GRM8: variants seen among roughly 807,000 people sequenced by gnomAD.
GRM8 encodes metabotropic glutamate receptor 8.
A neutral mutation model predicts 87.2 loss-of-function variants in GRM8; 47 were observed. The observed-to-expected ratio is 0.54, with a 90% confidence interval of 0.43 to 0.69. GRM8 has a LOEUF of 0.69. Among genes scored for constraint, GRM8 ranks in the 30% least tolerant of loss-of-function variants. GRM8 has a pLI of 0.00. For synonymous variants in GRM8, 396 were observed against 404.5 expected, an observed-to-expected ratio of 0.98 and a Z score of 0.25; for missense variants, 1,019 against 1,139.2, an observed-to-expected ratio of 0.89 and a Z score of 1.52.
chr7:127,199,205 C>T (rs1795461426), intron 2 of GRM8, among the ~76,000 whole-genome samples: 1 of 152,012 alleles, frequency 6.6e-6, no homozygotes. Context: ...AAGTGATCCT[C>T]CTGCCTCAGC....
chr7:126,638,066 A>G (rs1802030227), intron 7 of GRM8, among the ~76,000 whole-genome samples: 1 of 152,200 alleles, frequency 6.6e-6, no homozygotes, highest in African/African-American at 2.4e-5. Flanking sequence ...ATAAATAAAT[A>G]AAAGCATTAT....
At chr7:126,943,341 G>C (rs1383258409) in intron 3 of GRM8, among the ~76,000 whole-genome samples, 1 of 152,092 alleles carries the variant, frequency 6.6e-6, no homozygotes, top group Non-Finnish European at 1.5e-5. Context: ...AAGCAGCCAG[G>C]GACTGTGGGA....
chr7:127,053,808 G>GGT (rs57669424), intron 3 of GRM8, among the ~76,000 whole-genome samples: 1 of 121,132 alleles, frequency 8.3e-6, no homozygotes, highest in Non-Finnish European at 1.8e-5. Context: ...AGGGGGGGGG[G>GGT]AATATACATT....
Position 126,661,707 on chromosome 7 carries a change from G to A in GRM8, c.1358-52209C>T, listed in dbSNP as rs577614516. Among the ~76,000 whole-genome samples, 12 of 152,234 alleles carry A rather than the reference G, an allele frequency of 7.9e-5. No individual in the cohort carries two copies. The East Asian group carries it at 1.9e-3, about 25-fold the overall frequency. On this transcript the variant is annotated intron_variant, in intron 7 of 10. Coordinates refer to ENST00000339582, the MANE Select transcript of GRM8 (RefSeq NM_000845.3). Reference sequence around the variant, plus strand: ...TTTATGTGCCTCACTCAGGGGGTTCGTCATGCCTCCTTCTTTGAGTAGGAA... The same window carrying A: ...TTTATGTGCCTCACTCAGGGGGTTCATCATGCCTCCTTCTTTGAGTAGGAA...
chr7:126,573,267 G>C (rs1423472027), intron 8 of GRM8, among the ~76,000 whole-genome samples: 1 of 152,128 alleles, frequency 6.6e-6, no homozygotes, highest in African/African-American at 2.4e-5. Context: ...TCACAGGATA[G>C]AATGCCAGTG....
At chr7:127,231,307 C>T (rs980096177) in intron 2 of GRM8, among the ~76,000 whole-genome samples, 1 of 152,184 alleles carries the variant, frequency 6.6e-6, no homozygotes, top group African/African-American at 2.4e-5. Context: ...CTGTTCAGCA[C>T]TGCCTCACAA....
At chr7:126,893,383 A>G (rs1053233421) in intron 6 of GRM8, among the ~76,000 whole-genome samples, 1 of 152,056 alleles carries the variant, frequency 6.6e-6, no homozygotes, top group Non-Finnish European at 1.5e-5. Context: ...AAGACAAACT[A>G]TCAGAATAGT....
intron 8 of GRM8, among the ~76,000 whole-genome samples, chr7:126,552,274 A>C (rs1389900714): frequency 1.3e-5 from 2 of 152,042 alleles, no homozygotes; most frequent in Non-Finnish European, 2.9e-5. Context: ...ATTAGTTTTA[A>C]CTATTCTTTA....
At chr7:127,198,211 T>C (rs2116534622) in intron 2 of GRM8, among the ~76,000 whole-genome samples, 1 of 152,320 alleles carries the variant, frequency 6.6e-6, no homozygotes, top group East Asian at 1.9e-4. Flanking sequence ...GTTGGGAACA[T>C]TATAAATTTT....
chr7:127,219,904 G>T (rs1312387583), intron 2 of GRM8, among the ~76,000 whole-genome samples: 1 of 152,140 alleles, frequency 6.6e-6, no homozygotes, highest in East Asian at 1.9e-4. Context: ...CCTCTTAAAA[G>T]ATCTACCCAC....
chr7:126,862,428 A>G (rs1798213801), intron 6 of GRM8, among the ~76,000 whole-genome samples: 1 of 152,036 alleles, frequency 6.6e-6, no homozygotes, highest in Non-Finnish European at 1.5e-5. Context: ...TGATTCTTAT[A>G]TACAACAAAA....
chr7:126,920,389 G>T (rs1037372648), intron 3 of GRM8, among the ~76,000 whole-genome samples: 1 of 152,102 alleles, frequency 6.6e-6, no homozygotes. Context: ...AAAAAAAGAG[G>T]GGAAAAGAGG....
intron 2 of GRM8, among the ~76,000 whole-genome samples, chr7:127,175,136 C>T (rs1794024584): frequency 6.6e-6 from 1 of 152,126 alleles, no homozygotes; most frequent in Non-Finnish European, 1.5e-5. Context: ...TAAAATTAGA[C>T]AGCATGCAAG....
chr7:127,001,875 T>C (rs1469785121), intron 3 of GRM8, among the ~76,000 whole-genome samples: 1 of 151,682 alleles, frequency 6.6e-6, no homozygotes, highest in Non-Finnish European at 1.5e-5. Context: ...TAGAGTATTG[T>C]TATTATCATT....
intron 6 of GRM8, among the ~76,000 whole-genome samples, chr7:126,845,658 C>T (rs942726440): frequency 6.6e-6 from 1 of 152,084 alleles, no homozygotes; most frequent in Non-Finnish European, 1.5e-5. Context: ...TTTAAAGAAC[C>T]ACTTCTTGTG....
chr7:126,562,607 G>A (rs975060593), intron 8 of GRM8, among the ~76,000 whole-genome samples: 2 of 152,066 alleles, frequency 1.3e-5, no homozygotes, highest in Non-Finnish European at 2.9e-5. Flanking sequence ...AAAAATAAGC[G>A]AAGGTTGCCC....
chr7:126,899,104 AGTGT>A (rs71177573), intron 6 of GRM8, among the ~76,000 whole-genome samples: 2,099 of 140,388 alleles, frequency 0.015, 45 homozygotes, highest in African/African-American at 0.051. Context: ...ACTGGTTAAC[AGTGT>A]GTGTGTGTGT....
In GRM8 at chr7:126,730,423, C is replaced by T. The variant is rs77645058; in HGVS notation, c.1357+39442G>A. Among the ~76,000 whole-genome samples the T allele has an allele frequency of 3.3e-3, 509 of 152,232 alleles. 4 individuals are homozygous for T. In the East Asian group the frequency reaches 0.052, roughly 15 times the overall value. ...GTCAATTTTTGCCACAGTGAATACA[C>T]CAGCTGGACTGGAAATACAGAAATC... is the stretch of plus-strand genomic sequence containing the variant. On this transcript the variant is annotated intron_variant, in intron 7 of 10. Coordinates refer to ENST00000339582, the MANE Select transcript of GRM8 (RefSeq NM_000845.3).
Position 127,055,888 on chromosome 7 carries a change from C to CA in GRM8, c.727+50607dup, listed in dbSNP as rs575773697. The stretch of plus-strand genomic sequence containing the variant: ...GGAAGCTTGACCTTACAACCAAAGT[C>CA]AAAAAAACACACCATTAAAAATAAA... On this transcript the variant is annotated intron_variant, in intron 3 of 10. Transcript: ENST00000339582. Among the ~76,000 whole-genome samples, 496 of 151,820 alleles carry CA rather than the reference C, an allele frequency of 3.3e-3. 3 individuals are homozygous for CA. Among genetic ancestry groups the CA allele is most frequent in the Non-Finnish European group, 4.2e-3 (288 of 67,872 alleles).
Sources: allele counts gnomAD v4.1 joint callset (sites outside exome capture counted in the v4.1 genomes callset), GRCh38; gene constraint gnomAD v4.1.1; transcripts MANE v1.5; gene names NCBI Gene and HGNC (gene_info 2026-07-23, HGNC 2026-07-21).